The following EPG5 variants were observed in gnomAD, a reference collection of about 807,000 sequenced individuals.
EPG5 encodes the protein ectopic P granules protein 5 homolog.
A neutral mutation model predicts 302.7 loss-of-function variants in EPG5; 159 were observed. The observed-to-expected ratio is 0.53, with a 90% CI of 0.46 to 0.60. The LOEUF (loss-of-function observed/expected upper bound fraction) is 0.60, where lower values mean the gene tolerates loss of function less well. EPG5 is among the 20% of genes least tolerant of loss of function. The pLI is 0.00. For missense variants in EPG5, 2,896 were observed against 3,092.4 expected, an observed-to-expected ratio of 0.94 and a Z score of 1.51; for synonymous variants, 1,158 against 1,136.8, an observed-to-expected ratio of 1.02 and a Z score of -0.37.
intron 12 of EPG5, among the ~76,000 whole-genome samples, chr18:45,930,212 G>A (rs186217804): frequency 4.3e-4 from 65 of 152,254 alleles, no homozygotes; most frequent in African/African-American, 1.6e-3. Context: ...AATGAAGCCT[G>A]GGGTAATAAG....
chr18:45,826,567 C>T, the EPG5 span, among the ~76,000 whole-genome samples: 2 of 152,148 alleles, frequency 1.3e-5, no homozygotes, highest in Non-Finnish European at 2.9e-5. Context: ...ATGGCAAAGG[C>T]AATCCTCAGA....
At chr18:45,834,187 G>A in the EPG5 span, among the ~76,000 whole-genome samples, 598 of 152,190 alleles carry the variant, frequency 3.9e-3, 8 homozygotes, top group African/African-American at 0.013. Flanking sequence ...ATCCCTGCCT[G>A]CCTAATACAC....
At chr18:45,881,098 G>A (rs1473426997) in intron 31 of EPG5, among the ~76,000 whole-genome samples, 1 of 152,198 alleles carries the variant, frequency 6.6e-6, no homozygotes, top group African/African-American at 2.4e-5. Flanking sequence ...CATCAACATG[G>A]TAGCCAAGGA....
At chr18:45,844,654 G>A (rs1444353480), downstream of EPG5, among the ~76,000 whole-genome samples, 2 of 152,204 alleles carry the variant, frequency 1.3e-5, no homozygotes, top group African/African-American at 4.8e-5. Context: ...CCAGTGGGTT[G>A]CAAAGCTCCA....
chr18:45,838,595 G>A, the EPG5 span: 1 of 1,312,072 alleles, frequency 7.6e-7, no homozygotes, highest in Non-Finnish European at 1.0e-6. Context: ...TTGGGACGGG[G>A]GCAGCCTGGC....
At chr18:45,896,391 G>A (rs147822793) in intron 27 of EPG5, among the ~76,000 whole-genome samples, 577 of 152,284 alleles carry the variant, frequency 3.8e-3, no homozygotes, top group African/African-American at 0.013. Flanking sequence ...AGTAAAACCT[G>A]CTTTAAGAAA....
intron 40 of EPG5, among the ~76,000 whole-genome samples, chr18:45,859,890 T>C: frequency 1.3e-5 from 2 of 152,224 alleles, no homozygotes; most frequent in East Asian, 3.8e-4. Context: ...TGAAATGTGA[T>C]TGTACCAACA....
At chr18:45,925,650 T>G (rs777597229) in intron 14 of EPG5, 88 bp downstream of exon 14, 99 of 1,059,606 alleles carry the variant, frequency 9.3e-5, no homozygotes, top group Non-Finnish European at 1.2e-4. Flanking sequence ...CAAATGGTAC[T>G]CAGAAATGTT....
At chr18:45,937,984 C>T (rs1265629172) in intron 10 of EPG5, among the ~76,000 whole-genome samples, 1 of 152,088 alleles carries the variant, frequency 6.6e-6, no homozygotes, top group Non-Finnish European at 1.5e-5. Flanking sequence ...AGGATGAGAG[C>T]TTTGCCTCTC....
Position 45,923,295 on chromosome 18 carries a change from A to G in EPG5, c.2811T>C (p.Ala937=). 6.2e-7 allele frequency: 1 copy of G among 1,613,982 alleles called. No homozygotes were observed. The highest frequency in any genetic ancestry group is 1.1e-5 in the South Asian group (1 of 91,082). The change falls in exon 15 of 44, where the codon GCT becomes GCC. Residue 937 remains alanine, a synonymous_variant. Transcript: ENST00000282041. ...YQKYLAQKPY[A]GILSESMKQV... ...GCTTCATACTTTCAGAGAGAATCCC[A>G]GCATATGGCTTCTGTGCAAGGTACT...
At chr18:45,939,069 T>C (rs1188908994) in intron 10 of EPG5, among the ~76,000 whole-genome samples, 2 of 152,228 alleles carry the variant, frequency 1.3e-5, no homozygotes, top group Non-Finnish European at 2.9e-5. Context: ...AGCTATGCCC[T>C]TGCCTATGCC....
At chr18:45,823,840 T>A in the EPG5 span, among the ~76,000 whole-genome samples, 1 of 152,114 alleles carries the variant, frequency 6.6e-6, no homozygotes, top group Non-Finnish European at 1.5e-5. Context: ...AGGGAGCAAA[T>A]GCCCCTGCAT....
chr18:45,838,824 C>G, the EPG5 span: 2 of 1,562,340 alleles, frequency 1.3e-6, no homozygotes, highest in Non-Finnish European at 1.7e-6. Context: ...CCTGGTCCGG[C>G]CCGGCCCTGG....
the EPG5 span, among the ~76,000 whole-genome samples, chr18:45,816,265 G>T: frequency 6.6e-6 from 1 of 152,116 alleles, no homozygotes; most frequent in Non-Finnish European, 1.5e-5. Flanking sequence ...AAAAGTAAAT[G>T]CAATAAAAAG....
At chr18:45,959,380 C>A (rs903927996) in intron 1 of EPG5, among the ~76,000 whole-genome samples, 1 of 152,024 alleles carries the variant, frequency 6.6e-6, no homozygotes, top group Non-Finnish European at 1.5e-5. Context: ...GCATGGGCGG[C>A]TCACACCTGT....
At chr18:45,876,501 T>C (rs2048974161) in intron 34 of EPG5, among the ~76,000 whole-genome samples, 159 bp from the exon 35 acceptor site, 2 of 152,194 alleles carry the variant, frequency 1.3e-5, no homozygotes, top group South Asian at 4.1e-4. Context: ...TGCAGGCGAA[T>C]TGTAGCTTGT....
chr18:45,810,806 T>C, the EPG5 span, among the ~76,000 whole-genome samples: 1 of 151,888 alleles, frequency 6.6e-6, no homozygotes, highest in Non-Finnish European at 1.5e-5. Flanking sequence ...AAGATAATAC[T>C]CCATGATCCA....
At chr18:45,937,259 CACACACACACACACACACAT>C (rs1440009427) in intron 10 of EPG5, among the ~76,000 whole-genome samples, 4 of 144,288 alleles carry the variant, frequency 2.8e-5, no homozygotes, top group Admixed American at 2.1e-4. Flanking sequence ...CACACACACA[CACACACACACACACACACAT>C]ATGTATACAC....
intron 1 of EPG5, among the ~76,000 whole-genome samples, chr18:45,965,737 T>A (rs914250366): frequency 2.6e-5 from 4 of 152,230 alleles, no homozygotes; most frequent in African/African-American, 9.6e-5. Context: ...GGGAGCAGCA[T>A]TTAATCTGTT....
Sources: allele counts gnomAD v4.1 joint callset (sites outside exome capture counted in the v4.1 genomes callset), GRCh38; gene constraint gnomAD v4.1.1; transcripts MANE v1.5; gene names NCBI Gene and HGNC (gene_info 2026-07-23, HGNC 2026-07-21).